Variants in HHLA1 observed in about 807,000 individuals in gnomAD.
The protein encoded by HHLA1 is HHLA1 neighbor of OC90, also known as HERV-H LTR-associating protein 1.
HHLA1 carries 72 observed loss-of-function variants against 69.9 expected under a neutral mutation model. That is an observed-to-expected ratio of 1.03 (90% confidence interval 0.85 to 1.25). The LOEUF is 1.25. HHLA1 is among the 50% of genes most tolerant of loss of function. HHLA1 has a pLI of 0.00. For synonymous variants in HHLA1, 252 were observed against 233.2 expected (o/e 1.08, Z -0.73); for missense variants, 685 against 642.2 (o/e 1.07, Z -0.72).
At chr8:132,089,189 C>T (rs768848608) in intron 8 of HHLA1, among the ~76,000 whole-genome samples, 1 of 152,150 alleles carries the variant, frequency 6.6e-6, no homozygotes, top group Admixed American at 6.5e-5. Flanking sequence ...AATATTCAAC[C>T]TCTCTGGATC....
rs976398373 is a variant in HHLA1 at position 132,063,906 on chromosome 8, C to A, written c.*89G>T. On this transcript the variant is annotated 3_prime_UTR_variant, in exon 17 of 17. Transcript: ENST00000414222. Reference sequence around the variant, plus strand: ...GATCTAGCTGGAGCCTGGGTGAATTCTTCAAATGTAGCCCACTTGGGACAA... The same window carrying A: ...GATCTAGCTGGAGCCTGGGTGAATTATTCAAATGTAGCCCACTTGGGACAA... 8 of 575,888 alleles carry A rather than the reference C, an allele frequency of 1.4e-5. No homozygotes were observed. Among genetic ancestry groups the A allele is most frequent in the Admixed American group, 1.1e-4 (3 of 27,870 alleles). 35.7% of individuals were successfully genotyped at this position (575,888 alleles called of 1,614,324 possible). A position where few individuals can be genotyped will look rare whatever the true frequency, so the allele number is the denominator to read the frequency against.
rs1823776988 is a variant in HHLA1, at chr8:132,082,672, A to T, written c.677-2706T>A. The stretch of plus-strand genomic sequence containing the variant: ...AGAGTCAGTCTAAGTGAAAGCAAAG[A>T]GAGGCTGGGACGAGGGGTGCAGGGG... On this transcript the variant is annotated intron_variant, in intron 10 of 16. Coordinates refer to ENST00000414222, the MANE Select transcript of HHLA1 (RefSeq NM_001145095.3). 1.3e-5 allele frequency among the ~76,000 whole-genome samples: 2 copies of T among 152,180 alleles called. 1 individual carries two copies. Among genetic ancestry groups the T allele is most frequent in the Admixed American group, 1.3e-4 (2 of 15,284 alleles).
chr8:132,093,174 G>T (rs1470365626), intron 7 of HHLA1, among the ~76,000 whole-genome samples: 2 of 152,160 alleles, frequency 1.3e-5, no homozygotes, highest in African/African-American at 4.8e-5. Context: ...TTAGATGACA[G>T]GTTGGATAGA....
intron 7 of HHLA1, among the ~76,000 whole-genome samples, chr8:132,095,137 G>A (rs1824002205): frequency 6.6e-6 from 1 of 152,112 alleles, no homozygotes; most frequent in African/African-American, 2.4e-5. Flanking sequence ...GTATTTTTGT[G>A]TAACTTTCTT....
At chr8:132,104,422 C>T (rs1824169930) in intron 2 of HHLA1, among the ~76,000 whole-genome samples, 1 of 152,058 alleles carries the variant, frequency 6.6e-6, no homozygotes, top group Non-Finnish European at 1.5e-5. Flanking sequence ...AAGGCAGACA[C>T]ATAGGAAAAC....
At chr8:132,104,293 C>T in intron 2 of HHLA1, 126 bp from the exon 3 acceptor site, 1 of 653,882 alleles carries the variant, frequency 1.5e-6, no homozygotes. Flanking sequence ...GACATTTAGT[C>T]CCGCATCTAG....
chr8:132,065,974 G>C lies in HHLA1; in HGVS notation c.1470-6C>G. ...AATAGTATTCAAGACAGTATCTAAA[G>C]ATTTAAATCAGAGCAGGGAGCAATA... On this transcript the variant is annotated splice_polypyrimidine_tract_variant and splice_region_variant and intron_variant, in intron 15 of 16. Transcript: ENST00000414222. 1 of 1,251,564 alleles carries C rather than the reference G, an allele frequency of 8.0e-7. No homozygotes were observed. Among genetic ancestry groups the C allele is most frequent in the Non-Finnish European group, 1.1e-6 (1 of 939,932 alleles). 77.5% of individuals were successfully genotyped at this position (1,251,564 alleles called of 1,614,324 possible).
At chr8:132,083,697 T>G (rs796310372) in intron 10 of HHLA1, among the ~76,000 whole-genome samples, 4 of 151,992 alleles carry the variant, frequency 2.6e-5, no homozygotes, top group Non-Finnish European at 5.9e-5. Flanking sequence ...TTCCAGCACA[T>G]GTAGCAAGCT....
intron 1 of HHLA1, among the ~76,000 whole-genome samples, chr8:132,109,874 C>T (rs943497647): frequency 6.6e-6 from 1 of 152,130 alleles, no homozygotes; most frequent in Non-Finnish European, 1.5e-5. Flanking sequence ...GAAATCCAGT[C>T]ACACTCCCGG....
chr8:132,074,273 A>G (rs1823597796), intron 14 of HHLA1, among the ~76,000 whole-genome samples: 1 of 152,008 alleles, frequency 6.6e-6, no homozygotes, highest in Admixed American at 6.6e-5. Flanking sequence ...CTCTGGATAT[A>G]CATAGCAGTT....
chr8:132,062,791 C>G lies in HHLA1; in HGVS notation c.*1204G>C, dbSNP rs1823375348. On this transcript the variant is annotated 3_prime_UTR_variant, in exon 17 of 17. Coordinates refer to ENST00000414222, the MANE Select transcript of HHLA1 (RefSeq NM_001145095.3). ...CACAGACGTACTCCACAGATGAGCT[C>G]AAATCCTGCACCTTTCAGAGGAACA... The G allele has an allele frequency of 6.6e-6, 1 of 152,254 alleles. No homozygotes were observed. The highest frequency in any genetic ancestry group is 2.1e-4 in the South Asian group (1 of 4,830). 9.4% of individuals were successfully genotyped at this position (152,254 alleles called of 1,614,324 possible). A position where few individuals can be genotyped will look rare whatever the true frequency, so the allele number is the denominator to read the frequency against.
chr8:132,077,229 C>CT (rs1236095097), intron 12 of HHLA1, among the ~76,000 whole-genome samples: 3 of 152,130 alleles, frequency 2.0e-5, no homozygotes, highest in African/African-American at 7.2e-5. Context: ...GACATCTACT[C>CT]TAAGTCAAGC....
chr8:132,094,353 A>T (rs1261818071), intron 7 of HHLA1, among the ~76,000 whole-genome samples: 1 of 152,166 alleles, frequency 6.6e-6, no homozygotes, highest in Non-Finnish European at 1.5e-5. Flanking sequence ...CTTCCTTCTT[A>T]TTCCGGGTGA....
intron 15 of HHLA1, chr8:132,070,465 C>G (rs1823514027): frequency 1.5e-6 from 1 of 683,688 alleles, no homozygotes; most frequent in East Asian, 2.7e-5. Context: ...AAGAACCACT[C>G]AAGATCCTCT....
chr8:132,105,157 A>G, intron 2 of HHLA1, 30 bp downstream of exon 2: 1 of 1,491,538 alleles, frequency 6.7e-7, no homozygotes, highest in South Asian at 1.2e-5. Flanking sequence ...TATACAGAAC[A>G]GACACTTGCA....
Position 132,079,775 on chromosome 8 carries a change from G to A in HHLA1, c.868C>T (p.Leu290Phe). The A allele has an allele frequency of 2.6e-6, 4 of 1,551,714 alleles. No individual in the cohort carries two copies. The highest frequency in any genetic ancestry group is 3.5e-6 in the Non-Finnish European group (4 of 1,146,976). ...CATGTGGCTGTGGCCCTGGCTGGAAGCTCAGGAGGCCTGCCTGTGTTCAGG... is the reference window on the plus strand; with the variant it reads ...CATGTGGCTGTGGCCCTGGCTGGAAACTCAGGAGGCCTGCCTGTGTTCAGG... ...ETLNTGRPPE[L>F]PARATATWFS... Residue 290 changes from leucine to phenylalanine, a missense_variant, in exon 11 of 17, where the codon CTT becomes TTT. Leu to Phe is a conservative substitution (Grantham distance 22). Coordinates refer to ENST00000414222, the MANE Select transcript of HHLA1 (RefSeq NM_001145095.3).
At chr8:132,107,459 C>T (rs560673067) in intron 1 of HHLA1, among the ~76,000 whole-genome samples, 1 of 152,040 alleles carries the variant, frequency 6.6e-6, no homozygotes, top group Non-Finnish European at 1.5e-5. Context: ...TGCCATCATG[C>T]CCGGCTAATT....
In HHLA1 at chr8:132,077,921, A is replaced by T. The variant is rs750994680; in HGVS notation, c.976T>A (p.Trp326Arg). The change falls in exon 12 of 17, where the codon TGG becomes AGG. Residue 326 changes from tryptophan (W) to arginine (R), a missense_variant. Physicochemically the swap from Trp to Arg is moderately radical, Grantham distance 101 (BLOSUM62 -3). Transcript: ENST00000414222. ...TQWLTADRQT[W>R]ASISSVPWAQ... Reference sequence around the variant, plus strand: ...CAGGGCACGGACGATATGGAAGCCCACGTCTGTCTGTCAGCTGTCAACCAC... The same window carrying T: ...CAGGGCACGGACGATATGGAAGCCCTCGTCTGTCTGTCAGCTGTCAACCAC... 1.3e-6 allele frequency: 2 copies of T among 1,551,598 alleles called. No individual in the cohort carries two copies. Among genetic ancestry groups the T allele is most frequent in the Admixed American group, 2.0e-5 (1 of 50,990 alleles).
chr8:132,066,017 A>G (rs549526627), intron 15 of HHLA1, 49 bp from the exon 16 acceptor site: 26 of 792,912 alleles, frequency 3.3e-5, no homozygotes, highest in Admixed American at 7.1e-5. Context: ...TGTGATGGCT[A>G]TTAGAAGACA....
Sources: allele counts gnomAD v4.1 joint callset (sites outside exome capture counted in the v4.1 genomes callset), GRCh38; gene constraint gnomAD v4.1.1; transcripts MANE v1.5; gene names NCBI Gene and HGNC (gene_info 2026-07-23, HGNC 2026-07-21).